IGF2BP2: variants seen among roughly 807,000 people sequenced by gnomAD.
IGF2BP2 encodes the protein insulin like growth factor 2 mRNA binding protein 2.
IGF2BP2 carries 17 observed loss-of-function variants against 75.8 expected under a neutral mutation model. The observed-to-expected ratio is 0.22, with a 90% CI of 0.15 to 0.34. The LOEUF is 0.34. Ranked by LOEUF, IGF2BP2 falls within the 10% of genes least tolerant of loss-of-function variation. The probability of loss-of-function intolerance (pLI) is 1.00; values close to 1 mark genes in which losing one functional copy is unlikely to be tolerated. For synonymous variants in IGF2BP2, 288 were observed against 295.6 expected, an observed-to-expected ratio of 0.97 and a Z score of 0.26; for missense variants, 516 against 772.4, an observed-to-expected ratio of 0.67 and a Z score of 3.93.
At chr3:185,823,540 G>A (rs973106285) in intron 1 of IGF2BP2, among the ~76,000 whole-genome samples, 1 of 152,124 alleles carries the variant, frequency 6.6e-6, no homozygotes, top group African/African-American at 2.4e-5. Flanking sequence ...GGGCTGGCGC[G>A]GCCCCGCTGC....
chr3:185,803,395 G>C (rs1738547223), intron 2 of IGF2BP2, among the ~76,000 whole-genome samples: 1 of 152,088 alleles, frequency 6.6e-6, no homozygotes. Flanking sequence ...CAGTATTACT[G>C]GTTACTGGAT....
At chr3:185,646,838 A>G (rs1353276042) in intron 15 of IGF2BP2, 187 bp downstream of exon 15, 10 of 604,976 alleles carry the variant, frequency 1.7e-5, no homozygotes, top group Admixed American at 2.8e-5. Flanking sequence ...ATGACAGTGG[A>G]GAGAAGTGTG....
chr3:185,721,444 C>T lies in IGF2BP2; in HGVS notation c.240-23097G>A, dbSNP rs372111866. On this transcript the variant is annotated intron_variant, in intron 2 of 15. Transcript: ENST00000382199. ...CTCGAACTCCTGACCTCAAGTGATC[C>T]GCCCGCCTCGGCCTCCCAAAGTGCT... Among the ~76,000 whole-genome samples the T allele has an allele frequency of 3.9e-5, 6 of 152,078 alleles. No homozygotes were observed. In the East Asian group the frequency reaches 5.8e-4, roughly 15 times the overall value.
At position 185,735,203 on chromosome 3, in the gene IGF2BP2, C is replaced by T. The variant is rs186444925; in HGVS notation, c.240-36856G>A. Among the ~76,000 whole-genome samples the T allele has an allele frequency of 2.7e-5, 4 of 149,514 alleles. No homozygotes were observed. In the East Asian group the frequency reaches 5.9e-4, roughly 22 times the overall value. On this transcript the variant is annotated intron_variant, in intron 2 of 15. Coordinates refer to ENST00000382199, the MANE Select transcript of IGF2BP2 (RefSeq NM_006548.6). Reference sequence around the variant, plus strand: ...CTCTGTCGCCCAGGCTGGAGTGCAGCGGCATGAACTCAGCTCACTGCAACC... The same window carrying T: ...CTCTGTCGCCCAGGCTGGAGTGCAGTGGCATGAACTCAGCTCACTGCAACC...
intron 9 of IGF2BP2, among the ~76,000 whole-genome samples, chr3:185,673,124 T>C (rs1718782343): frequency 6.6e-6 from 1 of 152,194 alleles, no homozygotes; most frequent in Non-Finnish European, 1.5e-5. Context: ...CTTTCTTTCA[T>C]CCCAAAGATC....
rs750677541 is a variant in IGF2BP2, at chr3:185,675,821, T to C, written c.905A>G (p.His302Arg). 1.2e-6 allele frequency: 2 copies of C among 1,613,540 alleles called. No individual in the cohort carries two copies. Among genetic ancestry groups the C allele is most frequent in the Non-Finnish European group, 1.7e-6 (2 of 1,179,922 alleles). Residue 302 changes from histidine to arginine, a missense_variant, in exon 8 of 16, where the codon CAT becomes CGT. Physicochemically the swap from His to Arg is conservative, Grantham distance 29. This residue lies in a region of IGF2BP2 where 312 missense variants were observed against 474.5 expected (regional missense o/e 0.66). Coordinates refer to ENST00000382199, the MANE Select transcript of IGF2BP2 (RefSeq NM_006548.6). ...KEGRNLKKIE[H>R]ETGTKITISS... The stretch of plus-strand genomic sequence containing the variant: ...GATTGTTATCTTGGTCCCTGTTTCA[T>C]GTTCAATTTTCTTCAAATTTCTGCC...
intron 2 of IGF2BP2, among the ~76,000 whole-genome samples, chr3:185,815,401 A>T (rs1740467697): frequency 6.6e-6 from 1 of 152,218 alleles, no homozygotes; most frequent in African/African-American, 2.4e-5. Flanking sequence ...TTTCTACTTC[A>T]TTGCTAAGGT....
At chr3:185,747,924 C>T (rs146793357) in intron 2 of IGF2BP2, among the ~76,000 whole-genome samples, 3,528 of 152,050 alleles carry the variant, frequency 0.023, 67 homozygotes, top group Middle Eastern at 0.055. Flanking sequence ...GGTGCAATCT[C>T]GGCTCACTGC....
chr3:185,728,831 A>G (rs537001379), intron 2 of IGF2BP2: 2 of 152,350 alleles, frequency 1.3e-5, no homozygotes, highest in East Asian at 3.9e-4. Context: ...CGTGACCTGC[A>G]CACCCTTGGA....
chr3:185,705,158 G>A lies in IGF2BP2; in HGVS notation c.240-6811C>T, dbSNP rs1461527824. On this transcript the variant is annotated intron_variant, in intron 2 of 15. Coordinates refer to ENST00000382199, the MANE Select transcript of IGF2BP2 (RefSeq NM_006548.6). ...GTTGCCCAGGCTAGAGTGCAGTGGTGCGATCTTGGCTCACTGCAACCTCCG... is the reference window on the plus strand; with the variant it reads ...GTTGCCCAGGCTAGAGTGCAGTGGTACGATCTTGGCTCACTGCAACCTCCG... Among the ~76,000 whole-genome samples the A allele has an allele frequency of 2.0e-5, 3 of 152,222 alleles. No homozygotes were observed. In the South Asian group the frequency reaches 6.2e-4, roughly 32 times the overall value.
intron 10 of IGF2BP2, 104 bp from the exon 11 acceptor site, chr3:185,658,513 CAGCT>C: frequency 1.1e-6 from 1 of 909,140 alleles, no homozygotes; most frequent in Admixed American, 2.2e-5. Context: ...TCTGTGGCAT[CAGCT>C]GGCTCCACTG....
intron 2 of IGF2BP2, chr3:185,722,420 T>C (rs1324400505): frequency 2.9e-6 from 1 of 339,212 alleles, no homozygotes; most frequent in Non-Finnish European, 5.8e-6. Flanking sequence ...TGCCTTCTAC[T>C]TCCTCCACCA....
chr3:185,694,238 C>T (rs1368071341), intron 4 of IGF2BP2, among the ~76,000 whole-genome samples: 2 of 152,186 alleles, frequency 1.3e-5, no homozygotes, highest in African/African-American at 2.4e-5. Context: ...TTACTGTCCT[C>T]TCTCAGTGCT....
chr3:185,813,800 G>T (rs1263832355), intron 2 of IGF2BP2, among the ~76,000 whole-genome samples: 1 of 152,140 alleles, frequency 6.6e-6, no homozygotes, highest in Admixed American at 6.5e-5. Flanking sequence ...CCAACCCTCG[G>T]CCAACCAGGG....
At chr3:185,756,164 G>T (rs1731589970) in intron 2 of IGF2BP2, among the ~76,000 whole-genome samples, 1 of 152,098 alleles carries the variant, frequency 6.6e-6, no homozygotes. Context: ...TGCAAGATCT[G>T]GTTGTTTAAG....
intron 2 of IGF2BP2, among the ~76,000 whole-genome samples, chr3:185,782,528 T>C (rs974667384): frequency 4.6e-5 from 7 of 152,254 alleles, no homozygotes; most frequent in South Asian, 2.1e-4. Flanking sequence ...TTCGTTTACA[T>C]AGAAAGTTAT....
chr3:185,823,446 C>G (rs954389958), intron 1 of IGF2BP2, among the ~76,000 whole-genome samples: 3 of 152,150 alleles, frequency 2.0e-5, no homozygotes, highest in African/African-American at 7.2e-5. Context: ...CAGGTATAGC[C>G]GTGGGTGGCA....
At chr3:185,774,323 T>G (rs1436640247) in intron 2 of IGF2BP2, among the ~76,000 whole-genome samples, 8 of 152,108 alleles carry the variant, frequency 5.3e-5, no homozygotes, top group African/African-American at 1.7e-4. Flanking sequence ...AGGCCGGGCA[T>G]GGTGGTTCCC....
chr3:185,691,263 T>C (rs972202920), intron 5 of IGF2BP2, among the ~76,000 whole-genome samples: 2 of 149,792 alleles, frequency 1.3e-5, no homozygotes, highest in African/African-American at 4.9e-5. Context: ...CACGCCTGGC[T>C]AATTTTGTAT....
Sources: gnomAD v4.1 joint callset for allele counts (sites outside exome capture counted in the v4.1 genomes callset) on GRCh38, gnomAD v4.1.1 for gene constraint, gnomAD v4.1.1 regional missense constraint, MANE v1.5 for transcripts, NCBI Gene and HGNC (gene_info 2026-07-23, HGNC 2026-07-21) for gene names.